The following PPP2R5E variants were observed in gnomAD, a reference collection of about 807,000 sequenced individuals.
PPP2R5E encodes serine/threonine-protein phosphatase 2A 56 kDa regulatory subunit epsilon isoform.
Under a neutral mutation model 65.3 loss-of-function variants are expected in PPP2R5E, and 4 were observed. That is an observed-to-expected ratio of 0.06 (90% confidence interval 0.03 to 0.14). The LOEUF (loss-of-function observed/expected upper bound fraction) is 0.14, where lower values mean the gene tolerates loss of function less well. Among genes scored for constraint, PPP2R5E ranks in the 10% least tolerant of loss-of-function variants. The probability of loss-of-function intolerance (pLI) is 1.00; values close to 1 mark genes in which losing one functional copy is unlikely to be tolerated. For missense variants in PPP2R5E, 274 were observed against 556.1 expected (o/e 0.49, Z 5.10); for synonymous variants, 183 against 187.4 (o/e 0.98, Z 0.19).
At chr14:63,468,395 A>C (rs1889945606) in intron 2 of PPP2R5E, among the ~76,000 whole-genome samples, 1 of 152,250 alleles carries the variant, frequency 6.6e-6, no homozygotes, top group African/African-American at 2.4e-5. Flanking sequence ...CCAGTGAAAT[A>C]ACTTCAAAAT....
At chr14:63,410,995 T>A (rs1237177906) in intron 5 of PPP2R5E, among the ~76,000 whole-genome samples, 1 of 152,218 alleles carries the variant, frequency 6.6e-6, no homozygotes, top group Non-Finnish European at 1.5e-5. Flanking sequence ...ACTTCACCAC[T>A]GACACTTTAT....
At chr14:63,542,621 A>G (rs1448527795) in intron 1 of PPP2R5E, among the ~76,000 whole-genome samples, 158 bp downstream of exon 1, 1 of 152,136 alleles carries the variant, frequency 6.6e-6, no homozygotes, top group Non-Finnish European at 1.5e-5. Flanking sequence ...GGTAAATCAG[A>G]CAAGTGGGAC....
intron 2 of PPP2R5E, among the ~76,000 whole-genome samples, chr14:63,465,881 G>A (rs1889769250): frequency 6.6e-6 from 1 of 152,106 alleles, no homozygotes; most frequent in South Asian, 2.1e-4. Context: ...TCAGAAGTAT[G>A]AGAAACAAAA....
At chr14:63,444,108 A>G (rs1013208358) in intron 3 of PPP2R5E, among the ~76,000 whole-genome samples, 1 of 152,126 alleles carries the variant, frequency 6.6e-6, no homozygotes, top group East Asian at 1.9e-4. Flanking sequence ...GTTCTTTCAG[A>G]CTGGCCCACA....
At chr14:63,460,247 C>T in intron 2 of PPP2R5E, among the ~76,000 whole-genome samples, 1 of 152,088 alleles carries the variant, frequency 6.6e-6, no homozygotes, top group Non-Finnish European at 1.5e-5. Flanking sequence ...TATTAATATC[C>T]CAGTTTTTCA....
intron 3 of PPP2R5E, chr14:63,451,317 T>C (rs1437117532): frequency 6.6e-6 from 1 of 152,240 alleles, no homozygotes; most frequent in Non-Finnish European, 1.5e-5. Context: ...GCAACTAAAA[T>C]GTCCTTCAGT....
chr14:63,382,978 G>A (rs1025696842), intron 12 of PPP2R5E, among the ~76,000 whole-genome samples: 2 of 152,138 alleles, frequency 1.3e-5, no homozygotes, highest in African/African-American at 2.4e-5. Flanking sequence ...AAGCCCTCAT[G>A]TAGGTTGGGT....
intron 3 of PPP2R5E, among the ~76,000 whole-genome samples, chr14:63,433,906 CTT>C (rs1887822681): frequency 6.6e-6 from 1 of 152,170 alleles, no homozygotes; most frequent in Non-Finnish European, 1.5e-5. Context: ...TTGGGTTCAG[CTT>C]TCTCTGATGG....
intron 5 of PPP2R5E, among the ~76,000 whole-genome samples, chr14:63,413,010 T>TA (rs573260383): frequency 4.7e-4 from 72 of 152,142 alleles, no homozygotes; most frequent in Middle Eastern, 3.4e-3. Context: ...AGGTTCAACA[T>TA]AAAAAAAGAA....
At chr14:63,507,963 C>T (rs376562570) in intron 2 of PPP2R5E, among the ~76,000 whole-genome samples, 20 of 152,310 alleles carry the variant, frequency 1.3e-4, no homozygotes, top group African/African-American at 4.6e-4. Flanking sequence ...CATAAACCCA[C>T]AGAACTCTTT....
At chr14:63,522,357 G>A (rs1169293932) in intron 2 of PPP2R5E, among the ~76,000 whole-genome samples, 1 of 151,058 alleles carries the variant, frequency 6.6e-6, no homozygotes. Context: ...GCCTCTGCCC[G>A]GCCGCCACCC....
At position 63,491,549 on chromosome 14, in the gene PPP2R5E, T is replaced by G. The variant is rs556697559; in HGVS notation, c.158-37664A>C. Among the ~76,000 whole-genome samples, 6 of 152,276 alleles carry G rather than the reference T, an allele frequency of 3.9e-5. No homozygotes were observed. The South Asian group carries it at 1.2e-3, about 32-fold the overall frequency. On this transcript the variant is annotated intron_variant, in intron 2 of 13. Coordinates refer to ENST00000337537, the MANE Select transcript of PPP2R5E (RefSeq NM_006246.5). ...ATATACTGAGTTAAAGAAAGTATAT[T>G]ATTAAAATTAATTTCAGACTGGGCA...
chr14:63,411,174 A>T (rs888324018), intron 5 of PPP2R5E, among the ~76,000 whole-genome samples: 2 of 152,186 alleles, frequency 1.3e-5, no homozygotes, highest in Non-Finnish European at 2.9e-5. Flanking sequence ...AGATGACAGT[A>T]ATGCTATAAA....
chr14:63,411,400 T>A (rs1357743823), intron 5 of PPP2R5E, among the ~76,000 whole-genome samples: 1 of 152,142 alleles, frequency 6.6e-6, no homozygotes, highest in African/African-American at 2.4e-5. Context: ...TTTCTTTTTT[T>A]TAAAATTATT....
intron 5 of PPP2R5E, among the ~76,000 whole-genome samples, chr14:63,407,448 T>TTA (rs1886149321): frequency 6.6e-6 from 1 of 152,198 alleles, no homozygotes; most frequent in Non-Finnish European, 1.5e-5. Flanking sequence ...GGAAGGCTAA[T>TTA]GCACAAAATC....
At chr14:63,405,742 A>C (rs1478787236) in intron 5 of PPP2R5E, among the ~76,000 whole-genome samples, 1 of 152,236 alleles carries the variant, frequency 6.6e-6, no homozygotes, top group East Asian at 1.9e-4. Context: ...TTGGGGGATC[A>C]TAAAGAAACC....
chr14:63,383,499 C>T (rs1055881214), intron 12 of PPP2R5E, among the ~76,000 whole-genome samples: 2 of 152,106 alleles, frequency 1.3e-5, no homozygotes, highest in East Asian at 1.9e-4. Context: ...TTGCTAGAAC[C>T]GTTCTCTAGG....
chr14:63,415,103 G>A (rs754253391), intron 5 of PPP2R5E, 37 bp downstream of exon 5: 109 of 1,434,650 alleles, frequency 7.6e-5, no homozygotes, highest in Non-Finnish European at 1.0e-4. Context: ...AGTGTTAACT[G>A]GATGACAAAT....
At chr14:63,427,413 A>C (rs1887398714) in intron 3 of PPP2R5E, among the ~76,000 whole-genome samples, 1 of 152,194 alleles carries the variant, frequency 6.6e-6, no homozygotes, top group African/African-American at 2.4e-5. Context: ...TAAAAAAAAA[A>C]AGTTTAAGAA....
Sources: gnomAD v4.1 joint callset for allele counts (sites outside exome capture counted in the v4.1 genomes callset) on GRCh38, gnomAD v4.1.1 for gene constraint, MANE v1.5 for transcripts, NCBI Gene and HGNC (gene_info 2026-07-23, HGNC 2026-07-21) for gene names.